The following GRINA variants were observed in gnomAD, a reference collection of about 807,000 sequenced individuals.
The protein encoded by GRINA is protein lifeguard 1.
GRINA carries 26 observed loss-of-function variants against 42.5 expected under a neutral mutation model. The observed-to-expected ratio is 0.61, with a 90% CI of 0.45 to 0.85. GRINA has a LOEUF of 0.85. Ranked by LOEUF, GRINA falls within the 40% of genes least tolerant of loss-of-function variation. GRINA has a pLI of 0.00. For synonymous variants in GRINA, 256 were observed against 204.2 expected (o/e 1.25, Z -2.17); for missense variants, 475 against 481.5 (o/e 0.99, Z 0.13).
chr8:143,991,455 G>A lies in GRINA; in HGVS notation c.232G>A (p.Gly78Ser). Residue 78 changes from glycine to serine, a missense_variant, in exon 2 of 7, where the codon GGC becomes AGC. Gly to Ser is a moderately conservative substitution (Grantham distance 56). This residue lies in a region of GRINA where 321 missense variants were observed against 267.2 expected (regional missense o/e 1.20). Coordinates refer to ENST00000395068, the MANE Select transcript of GRINA (RefSeq NM_001009184.2). ...GYPQGPYPQG[G>S]YPQGPYPQEG... ...CCCACAGGGTCCCTACCCCCAAGGG[G>A]GCTACCCACAGGGCCCCTACCCACA... 1 of 1,485,744 alleles carries A rather than the reference G, an allele frequency of 6.7e-7. No individual in the cohort carries two copies. The highest frequency in any genetic ancestry group is 8.9e-7 in the Non-Finnish European group (1 of 1,120,240). The allele number at this position is 1,485,744 out of a possible 1,614,324, so 92.0% of individuals were successfully genotyped here. A position where few individuals can be genotyped will look rare whatever the true frequency, so the allele number is the denominator to read the frequency against.
Position 143,991,544 on chromosome 8 carries a change from C to G in GRINA, c.321C>G (p.Ser107Arg). The G allele has an allele frequency of 1.3e-6, 2 of 1,549,002 alleles. No individual in the cohort carries two copies. The highest frequency in any genetic ancestry group is 1.8e-6 in the Non-Finnish European group (2 of 1,133,434). Residue 107 changes from serine to arginine, a missense_variant, in exon 2 of 7, where the codon AGC (serine) becomes AGG (arginine). Ser to Arg is a moderately radical substitution (Grantham distance 110). This residue lies in a region of GRINA where 321 missense variants were observed against 267.2 expected (regional missense o/e 1.20). Transcript: ENST00000395068. ...GGYPQGPYPQ[S>R]PFPPNPYGQP... ...ACCCCCAGGGGCCATATCCCCAGAG[C>G]CCCTTCCCCCCCAACCCCTATGGAC...
chr8:143,990,068 T>A lies in GRINA; in HGVS notation c.-156T>A, dbSNP rs1417105809. On this transcript the variant is annotated 5_prime_UTR_variant, in exon 1 of 7. Transcript: ENST00000395068. The surrounding 1 kb of genome is among the most constrained non-coding windows in gnomAD (Gnocchi z 5.6). ...GCCCCGCCCCGTCACAAGGCCCCGC[T>A]GCGTCTTCCGAGCCGCAGGCGCAGG... The A allele has an allele frequency of 2.1e-5, 3 of 142,188 alleles. No homozygotes were observed. Among genetic ancestry groups the A allele is most frequent in the Non-Finnish European group, 4.6e-5 (3 of 65,488 alleles). 8.8% of individuals were successfully genotyped at this position (142,188 alleles called of 1,614,324 possible).
rs782117732 is a variant in GRINA at position 143,991,583 on chromosome 8, C to T, written c.360C>T (p.Phe120=). The T allele has an allele frequency of 6.3e-7, 1 of 1,589,544 alleles. No homozygotes were observed. Among genetic ancestry groups the T allele is most frequent in the South Asian group, 1.1e-5 (1 of 90,584 alleles). ...PPNPYGQPQV[F]PGQDPDSPQH... is the part of the protein sequence containing the mutation. ...ACCCCTATGGACAGCCACAGGTCTT[C>T]CCAGGACAAGACCCTGACTGTGAGT... is the stretch of plus-strand genomic sequence containing the variant. The change falls in exon 2 of 7, where the codon TTC becomes TTT. Residue 120 remains phenylalanine, a synonymous_variant. Coordinates refer to ENST00000395068, the MANE Select transcript of GRINA (RefSeq NM_001009184.2).
At position 143,993,027 on chromosome 8, in the gene GRINA, C is replaced by G. The variant is rs1403985359; in HGVS notation, c.*186C>G. 2 of 598,626 alleles carry G rather than the reference C, an allele frequency of 3.3e-6. No homozygotes were observed. Among genetic ancestry groups the G allele is most frequent in the Admixed American group, 3.1e-5 (1 of 32,292 alleles). The allele number at this position is 598,626 out of a possible 1,614,324, so 37.1% of individuals were successfully genotyped here. A position where few individuals can be genotyped will look rare whatever the true frequency, so the allele number is the denominator to read the frequency against. The stretch of plus-strand genomic sequence containing the variant: ...CTTCCATTTGGACCCGCTGTGGCCA[C>G]AGCATGGCCCCTTTAGTCCTCCCGC... On this transcript the variant is annotated 3_prime_UTR_variant, in exon 7 of 7. Coordinates refer to ENST00000395068, the MANE Select transcript of GRINA (RefSeq NM_001009184.2).
chr8:143,992,809 A>C lies in GRINA; in HGVS notation c.1084A>C (p.Ile362Leu). Residue 362 changes from isoleucine (I) to leucine (L), a missense_variant, in exon 7 of 7, where the codon ATC becomes CTC. Physicochemically the swap from Ile to Leu is conservative, Grantham distance 5. Transcript: ENST00000395068. The stretch of plus-strand genomic sequence containing the variant: ...AGACATCATCAACATCTTCCTGTAC[A>C]TCCTCACCATCATTGGCCGCGCCAA... ...YTDIINIFLY[I>L]LTIIGRAKE is the part of the protein sequence containing the mutation. 6.2e-7 allele frequency: 1 copy of C among 1,613,798 alleles called. No individual in the cohort carries two copies. Among genetic ancestry groups the C allele is most frequent in the Non-Finnish European group, 8.5e-7 (1 of 1,179,918 alleles).
Position 143,992,597 on chromosome 8 carries a change from C to T in GRINA, c.955C>T (p.Leu319Phe), listed in dbSNP as rs950048864. The T allele has an allele frequency of 1.9e-6, 3 of 1,614,046 alleles. No individual in the cohort carries two copies. The highest frequency in any genetic ancestry group is 2.5e-6 in the Non-Finnish European group (3 of 1,180,036). ...CGTGTACGCCTCACTGGGCGCTCTG[C>T]TCTTCACCTGCGTGAGTGAGGGGTG... ...EIVYASLGAL[L>F]FTCFLAVDTQ... The change falls in exon 6 of 7, where the codon CTC becomes TTC. Residue 319 changes from leucine (L) to phenylalanine (F), a missense_variant. By Grantham distance (22) the Leu-to-Phe change is conservative. Around this residue, in one of 2 missense-constraint regions of GRINA, gnomAD observed 154 missense variants for 214.2 expected, o/e 0.72. Coordinates refer to ENST00000395068, the MANE Select transcript of GRINA (RefSeq NM_001009184.2).
intron 4 of GRINA, 62 bp downstream of exon 4, chr8:143,992,140 T>G (rs1554750625): frequency 6.2e-7 from 1 of 1,603,182 alleles, no homozygotes; most frequent in Non-Finnish European, 8.5e-7. Context: ...ACGCCCACTC[T>G]TCCGGGCCTG....
chr8:143,991,105 C>A, intron 1 of GRINA, 95 bp from the exon 2 acceptor site: 1 of 664,848 alleles, frequency 1.5e-6, no homozygotes, highest in Non-Finnish European at 2.6e-6. Flanking sequence ...CTTGCTTCCC[C>A]CTGGGTTCCC....
rs781909344 is a variant in GRINA at position 143,991,742 on chromosome 8, A to G, written c.430A>G (p.Asn144Asp). The G allele has an allele frequency of 6.2e-7, 1 of 1,613,820 alleles. No homozygotes were observed. The change falls in exon 3 of 7, where the codon AAC (asparagine) becomes GAC (aspartate). Residue 144 changes from asparagine to aspartate, a missense_variant. Coordinates refer to ENST00000395068, the MANE Select transcript of GRINA (RefSeq NM_001009184.2). Reference protein sequence around the residue: ...QEEGPPSYYDNQDFPATNWDD... With the variant: ...QEEGPPSYYDDQDFPATNWDD... The stretch of plus-strand genomic sequence containing the variant: ...GGAGGGTCCCCCATCCTACTATGAC[A>G]ACCAGGACTTCCCTGCCACCAACTG...
chr8:143,992,955 G>A lies in GRINA; in HGVS notation c.*114G>A. 1.2e-6 allele frequency: 1 copy of A among 858,788 alleles called. No individual in the cohort carries two copies. The highest frequency in any genetic ancestry group is 1.7e-5 in the South Asian group (1 of 59,792). The allele number at this position is 858,788 out of a possible 1,614,324, so 53.2% of individuals were successfully genotyped here. A position where few individuals can be genotyped will look rare whatever the true frequency, so the allele number is the denominator to read the frequency against. On this transcript the variant is annotated 3_prime_UTR_variant, in exon 7 of 7. Transcript: ENST00000395068. ...TCTCTTGTCCCCAGGCACAGCCTAGGGAAAAGGATGCCTCTCTCCAACCCT... is the reference window on the plus strand; with the variant it reads ...TCTCTTGTCCCCAGGCACAGCCTAGAGAAAAGGATGCCTCTCTCCAACCCT...
chr8:143,991,014 C>T (rs1587466546), intron 1 of GRINA, 186 bp from the exon 2 acceptor site: 1 of 415,566 alleles, frequency 2.4e-6, no homozygotes, highest in Non-Finnish European at 4.3e-6. Context: ...CCCCACGGCG[C>T]CGCCCGTCCG....
rs1275388933 is a variant in GRINA, at chr8:143,990,599, G to C, written c.-25+400G>C. On this transcript the variant is annotated intron_variant, in intron 1 of 6. Coordinates refer to ENST00000395068, the MANE Select transcript of GRINA (RefSeq NM_001009184.2). This position sits in a 1 kb window ranked among gnomAD's most constrained non-coding sequence, Gnocchi z 5.6. The stretch of plus-strand genomic sequence containing the variant: ...CACACCCCCGCACCCCGCTGTTCCC[G>C]GCGTACCCCACTGGCAGGCACCGGC... 1 of 147,512 alleles carries C rather than the reference G, an allele frequency of 6.8e-6. No individual in the cohort carries two copies. Among genetic ancestry groups the C allele is most frequent in the East Asian group, 2.1e-4 (1 of 4,682 alleles). The allele number at this position is 147,512 out of a possible 1,614,324, so 9.1% of individuals were successfully genotyped here.
rs1587470043 is a variant in GRINA at position 143,993,096 on chromosome 8, G to A, written c.*255G>A. 1.6e-5 allele frequency: 8 copies of A among 491,164 alleles called. No homozygotes were observed. The Middle Eastern group carries it at 2.2e-3, about 138-fold the overall frequency. The allele number at this position is 491,164 out of a possible 1,614,324, so 30.4% of individuals were successfully genotyped here. A position where few individuals can be genotyped will look rare whatever the true frequency, so the allele number is the denominator to read the frequency against. ...AGGCCACGTTTCCGTGCCACCTCCT[G>A]TCTACTCATTGTTGCATGAGCCCTG... On this transcript the variant is annotated 3_prime_UTR_variant, in exon 7 of 7. Transcript: ENST00000395068.
Position 143,991,516 on chromosome 8 carries a change from G to C in GRINA, c.293G>C (p.Gly98Ala), listed in dbSNP as rs782316345. The C allele has an allele frequency of 6.5e-6, 10 of 1,544,994 alleles. No homozygotes were observed. The highest frequency in any genetic ancestry group is 7.0e-6 in the Non-Finnish European group (8 of 1,143,920). Residue 98 changes from glycine to alanine, a missense_variant, in exon 2 of 7, where the codon GGC becomes GCC. By Grantham distance (60) the Gly-to-Ala change is moderately conservative. Around this residue, in one of 2 missense-constraint regions of GRINA, gnomAD observed 321 missense variants for 267.2 expected, o/e 1.20. Coordinates refer to ENST00000395068, the MANE Select transcript of GRINA (RefSeq NM_001009184.2). ...GYPQGPYPQG[G>A]YPQGPYPQSP... ...CCACAGGGCCCCTACCCCCAAGGGG[G>C]CTACCCCCAGGGGCCATATCCCCAG...
rs1273157833 is a variant in GRINA at position 143,990,081 on chromosome 8, C to T, written c.-143C>T. On this transcript the variant is annotated 5_prime_UTR_variant, in exon 1 of 7. Transcript: ENST00000395068. This position sits in a 1 kb window ranked among gnomAD's most constrained non-coding sequence, Gnocchi z 5.6. ...ACAAGGCCCCGCTGCGTCTTCCGAG[C>T]CGCAGGCGCAGGCCCAGCTGAGCGG... 3 of 151,480 alleles carry T rather than the reference C, an allele frequency of 2.0e-5. No homozygotes were observed. Among genetic ancestry groups the T allele is most frequent in the African/African-American group, 4.8e-5 (2 of 41,344 alleles). 9.4% of individuals were successfully genotyped at this position (151,480 alleles called of 1,614,324 possible).
Position 143,992,947 on chromosome 8 carries a change from C to G in GRINA, c.*106C>G. The G allele has an allele frequency of 4.3e-6, 4 of 937,168 alleles. No homozygotes were observed. The highest frequency in any genetic ancestry group is 1.6e-5 in the South Asian group (1 of 63,028). 58.1% of individuals were successfully genotyped at this position (937,168 alleles called of 1,614,324 possible). ...TTCCCCTCTCTCTTGTCCCCAGGCA[C>G]AGCCTAGGGAAAAGGATGCCTCTCT... On this transcript the variant is annotated 3_prime_UTR_variant, in exon 7 of 7. Coordinates refer to ENST00000395068, the MANE Select transcript of GRINA (RefSeq NM_001009184.2).
Position 143,991,621 on chromosome 8 carries a change from G to A in GRINA, c.379+19G>A. 6.2e-7 allele frequency: 1 copy of A among 1,601,520 alleles called. No homozygotes were observed. The highest frequency in any genetic ancestry group is 8.5e-7 in the Non-Finnish European group (1 of 1,169,716). On this transcript the variant is annotated intron_variant, in intron 2 of 6. Transcript: ENST00000395068. Reference sequence around the variant, plus strand: ...CCTGACTGTGAGTCTCAGGAAGGGAGGGGTGGGGTGGCCGGGAGGGCAGGG... The same window carrying A: ...CCTGACTGTGAGTCTCAGGAAGGGAAGGGTGGGGTGGCCGGGAGGGCAGGG...
At position 143,992,881 on chromosome 8, in the gene GRINA, T is replaced by G. The variant is rs1423142863; in HGVS notation, c.*40T>G. 31 of 1,592,340 alleles carry G rather than the reference T, an allele frequency of 1.9e-5. No homozygotes were observed. Among genetic ancestry groups the G allele is most frequent in the Non-Finnish European group, 2.6e-5 (30 of 1,166,968 alleles). The stretch of plus-strand genomic sequence containing the variant: ...GCTGTGCCCGCTCAGGTGGCACGGC[T>G]GGCCTGGACCCTGCCCCTGGCACGG... On this transcript the variant is annotated 3_prime_UTR_variant, in exon 7 of 7. Coordinates refer to ENST00000395068, the MANE Select transcript of GRINA (RefSeq NM_001009184.2).
chr8:143,992,685 C>T lies in GRINA; in HGVS notation c.967-7C>T, dbSNP rs56261297. On this transcript the variant is annotated splice_region_variant and splice_polypyrimidine_tract_variant and intron_variant, in intron 6 of 6. Coordinates refer to ENST00000395068, the MANE Select transcript of GRINA (RefSeq NM_001009184.2). ...GTCCCTCAACACCACTGTGCTGTCACCTCCAGTTCCTCGCAGTGGACACCC... is the reference window on the plus strand; with the variant it reads ...GTCCCTCAACACCACTGTGCTGTCATCTCCAGTTCCTCGCAGTGGACACCC... 0.41 allele frequency: 659,559 copies of T among 1,613,406 alleles called. 139,301 individuals carry two copies. The highest frequency in any genetic ancestry group is 0.6 in the African/African-American group (45,272 of 74,974).
Sources: allele counts gnomAD v4.1 joint callset, GRCh38; gene constraint gnomAD v4.1.1; regional missense constraint gnomAD v4.1.1; non-coding constraint Gnocchi (gnomAD v3.1); transcripts MANE v1.5; gene names NCBI Gene and HGNC (gene_info 2026-07-23, HGNC 2026-07-21).